Variants in ADAMTSL3 observed in about 807,000 individuals in gnomAD.
The protein encoded by ADAMTSL3 is ADAMTS-like protein 3.
Under a neutral mutation model 201.7 loss-of-function variants are expected in ADAMTSL3, and 128 were observed. The ratio of observed to expected loss-of-function variants is 0.63; its 90% CI spans 0.55 to 0.73. The LOEUF is 0.73. ADAMTSL3 is among the 30% of genes least tolerant of loss of function. The pLI is 0.00. For missense variants in ADAMTSL3, 1,990 were observed against 2,119.6 expected (o/e 0.94, Z 1.20); for synonymous variants, 738 against 748.4 (o/e 0.99, Z 0.23).
At position 83,823,926 on chromosome 15, in the gene ADAMTSL3, T is replaced by C. The variant is rs28440800; in HGVS notation, c.600+3879T>C. On this transcript the variant is annotated intron_variant, in intron 6 of 29. Coordinates refer to ENST00000286744, the MANE Select transcript of ADAMTSL3 (RefSeq NM_207517.3). ...CTTCTTCTTCTTCTTCTTCTTCTTC[T>C]TCTTCTTCTTCTTCTTCTTCTTCTT... Among the ~76,000 whole-genome samples, 837 of 111,142 alleles carry C rather than the reference T, an allele frequency of 7.5e-3. 34 individuals carry two copies. Among genetic ancestry groups the C allele is most frequent in the East Asian group, 0.037 (126 of 3,388 alleles). The allele number at this position is 111,142 out of a possible 152,430, so 72.9% of individuals were successfully genotyped here.
At chr15:84,003,846 C>T (rs2067844640) in intron 23 of ADAMTSL3, among the ~76,000 whole-genome samples, 1 of 152,154 alleles carries the variant, frequency 6.6e-6, no homozygotes, top group Admixed American at 6.5e-5. Context: ...CCTGAATGAC[C>T]CACTAGTTCA....
chr15:83,785,643 A>G (rs2063249617), intron 4 of ADAMTSL3, among the ~76,000 whole-genome samples: 1 of 152,094 alleles, frequency 6.6e-6, no homozygotes, highest in Non-Finnish European at 1.5e-5. Flanking sequence ...TTTGGTACAG[A>G]TTTAGATCCT....
rs772258043 is a variant in ADAMTSL3 at position 83,891,370 on chromosome 15, C to T, written c.1253C>T (p.Pro418Leu). ...ATAATGCCCTATGACCACTTCCAAC[C>T]TCTTCCTCGGTGAGTTATATGTTTC... The part of the protein sequence containing the change: ...KEIMPYDHFQ[P>L]LPRWEHNPWT... Residue 418 changes from proline (P) to leucine (L), a missense_variant, in exon 12 of 30, where the codon CCT (proline) becomes CTT (leucine). By Grantham distance (98) the Pro-to-Leu change is moderately conservative. Transcript: ENST00000286744. The T allele has an allele frequency of 6.2e-7, 1 of 1,612,720 alleles. No individual in the cohort carries two copies. Among genetic ancestry groups the T allele is most frequent in the African/African-American group, 1.3e-5 (1 of 75,014 alleles).
chr15:83,988,742 A>G lies in ADAMTSL3; in HGVS notation c.3768A>G (p.Lys1256=). The change falls in exon 22 of 30, where the codon AAA becomes AAG. Residue 1256 remains lysine, a synonymous_variant. Transcript: ENST00000286744. ...TACAGATACAGAATCCTACAAGGAAAGAACAAGGCATATATGAATGTTCTG... is the reference window on the plus strand; with the variant it reads ...TACAGATACAGAATCCTACAAGGAAGGAACAAGGCATATATGAATGTTCTG... ...GKIQIQNPTR[K]EQGIYECSVA... 1 of 1,609,704 alleles carries G rather than the reference A, an allele frequency of 6.2e-7. No homozygotes were observed. The highest frequency in any genetic ancestry group is 8.5e-7 in the Non-Finnish European group (1 of 1,177,390).
intron 19 of ADAMTSL3, among the ~76,000 whole-genome samples, chr15:83,949,111 T>C (rs2066712594): frequency 6.6e-6 from 1 of 152,130 alleles, no homozygotes; most frequent in African/African-American, 2.4e-5. Context: ...TTACTGATTC[T>C]TTCTAACTAT....
rs922050781 is a variant in ADAMTSL3, at chr15:83,823,182, C to T, written c.600+3135C>T. The stretch of plus-strand genomic sequence containing the variant: ...CTTTGGCTTGGCATCAGAGGGAGAC[C>T]GTGGGGAGAGGGAGAGGGTGAGGGA... On this transcript the variant is annotated intron_variant, in intron 6 of 29. Transcript: ENST00000286744. 1.5e-3 allele frequency among the ~76,000 whole-genome samples: 79 copies of T among 53,958 alleles called. No individual in the cohort carries two copies. The South Asian group carries it at 0.044, about 30-fold the overall frequency. The allele number at this position is 53,958 out of a possible 152,430, so 35.4% of individuals were successfully genotyped here.
intron 15 of ADAMTSL3, among the ~76,000 whole-genome samples, chr15:83,902,835 T>G (rs2065753171): frequency 6.6e-6 from 1 of 152,148 alleles, no homozygotes; most frequent in African/African-American, 2.4e-5. Flanking sequence ...GCCCCACCTG[T>G]TAAGTCTTTT....
intron 6 of ADAMTSL3, among the ~76,000 whole-genome samples, chr15:83,829,279 A>T (rs1046717314): frequency 6.6e-6 from 1 of 152,116 alleles, no homozygotes; most frequent in Non-Finnish European, 1.5e-5. Flanking sequence ...CCAGGAATTT[A>T]TCCATTTCTT....
intron 3 of ADAMTSL3, among the ~76,000 whole-genome samples, chr15:83,736,524 A>C (rs2062371905): frequency 1.3e-5 from 2 of 152,234 alleles, no homozygotes; most frequent in African/African-American, 4.8e-5. Flanking sequence ...GTTTATATAC[A>C]TGGATAAATA....
In ADAMTSL3 at chr15:84,038,591, A is replaced by G. The variant is rs1001915728; in HGVS notation, c.*785A>G. The G allele has an allele frequency of 1.3e-5, 2 of 152,676 alleles. No homozygotes were observed. Among genetic ancestry groups the G allele is most frequent in the African/African-American group, 4.8e-5 (2 of 41,470 alleles). The allele number at this position is 152,676 out of a possible 1,614,324, so 9.5% of individuals were successfully genotyped here. A position where few individuals can be genotyped will look rare whatever the true frequency, so the allele number is the denominator to read the frequency against. ...GTGAATGAAACTTTTTCTAAGCACT[A>G]TTCTATTGCACACAAACAGAAAACC... On this transcript the variant is annotated 3_prime_UTR_variant, in exon 30 of 30. Transcript: ENST00000286744.
intron 4 of ADAMTSL3, among the ~76,000 whole-genome samples, chr15:83,786,253 AAGCGTT>A (rs2063260802): frequency 6.6e-6 from 1 of 152,190 alleles, no homozygotes; most frequent in African/African-American, 2.4e-5. Flanking sequence ...TTGGGATTAC[AAGCGTT>A]AGCCACCACG....
At chr15:83,998,125 A>G (rs2067722649) in intron 23 of ADAMTSL3, among the ~76,000 whole-genome samples, 1 of 152,178 alleles carries the variant, frequency 6.6e-6, no homozygotes, top group South Asian at 2.1e-4. Context: ...TGAAAAATCC[A>G]GTTACCTATA....
At chr15:83,948,282 G>A (rs115470085) in intron 19 of ADAMTSL3, among the ~76,000 whole-genome samples, 2,167 of 152,106 alleles carry the variant, frequency 0.014, 54 homozygotes, top group African/African-American at 0.046. Flanking sequence ...AGTCACATAG[G>A]GTTGATAGCT....
chr15:83,794,508 ATC>A (rs1228277402), intron 4 of ADAMTSL3, among the ~76,000 whole-genome samples: 2 of 152,212 alleles, frequency 1.3e-5, no homozygotes, highest in Non-Finnish European at 2.9e-5. Flanking sequence ...AAACACAACA[ATC>A]TGGATGAATC....
chr15:83,838,743 GAGTTTCTA>G (rs2064322764), intron 7 of ADAMTSL3, among the ~76,000 whole-genome samples: 1 of 152,172 alleles, frequency 6.6e-6, no homozygotes, highest in East Asian at 1.9e-4. Flanking sequence ...TGTGTAATTA[GAGTTTCTA>G]AGTTTCTAAG....
At chr15:83,906,622 CCACACACACACACACACACA>C (rs1157198460) in intron 15 of ADAMTSL3, among the ~76,000 whole-genome samples, 22,190 of 78,832 alleles carry the variant, frequency 0.28, 2,132 homozygotes, top group Non-Finnish European at 0.31. Flanking sequence ...GTGCCACACA[CCACACACACACACACACACA>C]CACACACACA....
chr15:83,887,334 A>G (rs2065415274), intron 10 of ADAMTSL3, among the ~76,000 whole-genome samples: 1 of 152,364 alleles, frequency 6.6e-6, no homozygotes, highest in Admixed American at 6.5e-5. Flanking sequence ...AAATAAACAT[A>G]TTAACAAAAA....
chr15:83,848,775 T>C (rs2064552338), intron 7 of ADAMTSL3, among the ~76,000 whole-genome samples: 1 of 152,220 alleles, frequency 6.6e-6, no homozygotes, highest in Non-Finnish European at 1.5e-5. Flanking sequence ...TGAGGTAACT[T>C]ATCTCAAGTT....
intron 19 of ADAMTSL3, among the ~76,000 whole-genome samples, chr15:83,952,215 C>T (rs1044636892): frequency 6.6e-6 from 1 of 152,114 alleles, no homozygotes; most frequent in Non-Finnish European, 1.5e-5. Context: ...TATTGACCCA[C>T]TTGTCATTCA....
Sources: allele counts gnomAD v4.1 joint callset (sites outside exome capture counted in the v4.1 genomes callset), GRCh38; gene constraint gnomAD v4.1.1; transcripts MANE v1.5; gene names NCBI Gene and HGNC (gene_info 2026-07-23, HGNC 2026-07-21).